KCNN3: variants seen among roughly 807,000 people sequenced by gnomAD.
The protein encoded by KCNN3 is potassium calcium-activated channel subfamily N member 3, also known as small conductance calcium-activated potassium channel protein 3.
KCNN3 carries 16 observed loss-of-function variants against 62.9 expected under a neutral mutation model. The ratio of observed to expected loss-of-function variants is 0.25; its 90% CI spans 0.17 to 0.39. The LOEUF is 0.39. KCNN3 is among the 10% of genes least tolerant of loss of function. The pLI, the probability that KCNN3 is intolerant of heterozygous loss-of-function variation, is 1.00. For synonymous variants in KCNN3, 370 were observed against 389.2 expected (o/e 0.95, Z 0.58); for missense variants, 599 against 949.4 (o/e 0.63, Z 4.85).
At chr1:154,801,699 G>A (rs773853215) in intron 2 of KCNN3, among the ~76,000 whole-genome samples, 2 of 152,236 alleles carry the variant, frequency 1.3e-5, no homozygotes, top group Non-Finnish European at 2.9e-5. Flanking sequence ...TCCAGGGGGA[G>A]GAAGAGGCAA....
intron 1 of KCNN3, among the ~76,000 whole-genome samples, chr1:154,853,066 T>C (rs1652368101): frequency 6.6e-6 from 1 of 152,178 alleles, no homozygotes; most frequent in Non-Finnish European, 1.5e-5. Context: ...CACAGCTCAC[T>C]GCATCCTCGA....
Position 154,869,304 on chromosome 1 carries a change from T to A in KCNN3, c.661A>T (p.Ile221Phe), listed in dbSNP as rs765155011. The change falls in exon 1 of 8, where the codon ATC (isoleucine) becomes TTC (phenylalanine). Residue 221 changes from isoleucine (I) to phenylalanine (F), a missense_variant. Transcript: ENST00000271915. This position sits in a 1 kb window ranked among gnomAD's most constrained non-coding sequence, Gnocchi z 6.1. ...GCATGGTTGTCCTCCCGGGAGGAGATGACGATCTCCGGGGGGTTGCTAGGG... is the reference window on the plus strand; with the variant it reads ...GCATGGTTGTCCTCCCGGGAGGAGAAGACGATCTCCGGGGGGTTGCTAGGG... ...FSPSNPPEIV[I>F]SSREDNHAHQ... 1 of 1,613,566 alleles carries A rather than the reference T, an allele frequency of 6.2e-7. No homozygotes were observed. Among genetic ancestry groups the A allele is most frequent in the Non-Finnish European group, 8.5e-7 (1 of 1,179,630 alleles).
chr1:154,752,977 C>T (rs747548014), intron 3 of KCNN3, among the ~76,000 whole-genome samples: 4 of 152,118 alleles, frequency 2.6e-5, no homozygotes, highest in African/African-American at 7.2e-5. Flanking sequence ...AGGGACAGGC[C>T]GGGCACCTCA....
intron 3 of KCNN3, among the ~76,000 whole-genome samples, chr1:154,755,327 G>A (rs1647589924): frequency 1.3e-5 from 2 of 151,736 alleles, no homozygotes; most frequent in African/African-American, 4.8e-5. Context: ...TATTTAGCCA[G>A]GCATGGTGGC....
rs564751847 is a variant in KCNN3 at position 154,806,048 on chromosome 1, C to T, written c.1029+16041G>A. On this transcript the variant is annotated intron_variant, in intron 2 of 7. Coordinates refer to ENST00000271915, the MANE Select transcript of KCNN3 (RefSeq NM_002249.6). ...AGGCTTCCTAGAGCCCCGTGATGTC[C>T]GTGAACACTGCACGAACTAGTGTTT... Among the ~76,000 whole-genome samples, 9 of 152,274 alleles carry T rather than the reference C, an allele frequency of 5.9e-5. No homozygotes were observed. In the South Asian group the frequency reaches 1.7e-3, roughly 28 times the overall value.
intron 2 of KCNN3, among the ~76,000 whole-genome samples, chr1:154,813,406 G>A (rs1270633132): frequency 6.6e-6 from 1 of 152,104 alleles, no homozygotes. Context: ...CAGCCTCCCG[G>A]GCCGCCTCCT....
Position 154,772,030 on chromosome 1 carries a change from C to G in KCNN3, c.1393G>C (p.Val465Leu). 1 of 1,614,124 alleles carries G rather than the reference C, an allele frequency of 6.2e-7. No homozygotes were observed. Among genetic ancestry groups the G allele is most frequent in the Non-Finnish European group, 8.5e-7 (1 of 1,180,020 alleles). ...MTICPGTVLL[V>L]FSISLWIIAA... The stretch of plus-strand genomic sequence containing the variant: ...ATGATCCACAGAGAGATGCTGAACA[C>G]GAGCAGCACAGTGCCAGGGCAGATG... The change falls in exon 3 of 8, where the codon GTG (valine) becomes CTG (leucine). Residue 465 changes from valine (V) to leucine (L), a missense_variant. Physicochemically the swap from Val to Leu is conservative, Grantham distance 32 (BLOSUM62 1). Transcript: ENST00000271915. The surrounding 1 kb of genome is among the most constrained non-coding windows in gnomAD (Gnocchi z 5.6).
intron 3 of KCNN3, among the ~76,000 whole-genome samples, chr1:154,753,186 G>T (rs1647467122): frequency 6.6e-6 from 1 of 152,106 alleles, no homozygotes; most frequent in Admixed American, 6.5e-5. Context: ...ACTTAACTCA[G>T]TAAGTTTGAC....
At chr1:154,852,921 C>T (rs1027071507) in intron 1 of KCNN3, among the ~76,000 whole-genome samples, 3 of 152,162 alleles carry the variant, frequency 2.0e-5, no homozygotes, top group Non-Finnish European at 4.4e-5. Flanking sequence ...GATCCCTCAC[C>T]ACTTCAGATC....
intron 2 of KCNN3, among the ~76,000 whole-genome samples, chr1:154,802,882 C>T (rs1650018325): frequency 6.6e-6 from 1 of 152,176 alleles, no homozygotes; most frequent in South Asian, 2.1e-4. Flanking sequence ...AGGCTCCTTT[C>T]CTGGCCATAT....
At chr1:154,714,324 G>GTGTGGGGTGTGTC (rs1461338194) in intron 6 of KCNN3, among the ~76,000 whole-genome samples, 3 of 135,488 alleles carry the variant, frequency 2.2e-5, no homozygotes. Flanking sequence ...TGTGAGGTGT[G>GTGTGGGGTGTGTC]TGTGTGTGGT....
At position 154,726,036 on chromosome 1, in the gene KCNN3, G is replaced by A. The variant is rs575789654; in HGVS notation, c.1591-10C>T. 1.9e-5 allele frequency: 31 copies of A among 1,600,876 alleles called. No individual in the cohort carries two copies. In the East Asian group the frequency reaches 6.9e-4, roughly 36 times the overall value. ...CAGTGCAGCCTGCACCCTGCGGGGG[G>A]ACATCAAGAGGACCAGAGGGGAAAG... On this transcript the variant is annotated splice_polypyrimidine_tract_variant and intron_variant, in intron 4 of 7. Coordinates refer to ENST00000271915, the MANE Select transcript of KCNN3 (RefSeq NM_002249.6).
chr1:154,776,400 C>T (rs1452839170), intron 2 of KCNN3, among the ~76,000 whole-genome samples: 1 of 151,296 alleles, frequency 6.6e-6, no homozygotes, highest in Non-Finnish European at 1.5e-5. Flanking sequence ...TGGGGGCACT[C>T]GTAAACAGTG....
chr1:154,710,951 T>C (rs1460244871), intron 7 of KCNN3, among the ~76,000 whole-genome samples: 1 of 152,204 alleles, frequency 6.6e-6, no homozygotes, highest in Non-Finnish European at 1.5e-5. Flanking sequence ...CTCAGGGATC[T>C]AGAACTAGAA....
In KCNN3 at chr1:154,826,073, ACAAAAAC is replaced by A. The variant is rs749262400; in HGVS notation, c.934-3896_934-3890del. ...AAAAAAAACAAAAACAAAAACAAAA[ACAAAAAC>A]AAAAACAAAAAAAACCAAAAAACAC... On this transcript the variant is annotated intron_variant, in intron 1 of 7. Coordinates refer to ENST00000271915, the MANE Select transcript of KCNN3 (RefSeq NM_002249.6). 2.9e-3 allele frequency among the ~76,000 whole-genome samples: 386 copies of A among 132,498 alleles called. 17 individuals are homozygous for A. The highest frequency in any genetic ancestry group is 0.011 in the African/African-American group (368 of 33,562). The allele number at this position is 132,498 out of a possible 152,430, so 86.9% of individuals were successfully genotyped here.
intron 3 of KCNN3, among the ~76,000 whole-genome samples, chr1:154,756,153 G>A: frequency 1.1e-5 from 1 of 90,710 alleles, no homozygotes; most frequent in South Asian, 3.7e-4. Flanking sequence ...GGAAGAAGAA[G>A]GAGGAGAAGA....
chr1:154,726,167 C>G, intron 4 of KCNN3, 141 bp from the exon 5 acceptor site: 1 of 639,106 alleles, frequency 1.6e-6, no homozygotes, highest in Non-Finnish European at 2.8e-6. Flanking sequence ...TGGTCACGAC[C>G]AAGCCACAAA....
intron 3 of KCNN3, among the ~76,000 whole-genome samples, chr1:154,757,941 TTA>T (rs1298787416): frequency 1.3e-5 from 2 of 152,170 alleles, no homozygotes; most frequent in Non-Finnish European, 1.5e-5. Context: ...TTTTTGTGAA[TTA>T]TCCCCTTTCC....
At chr1:154,769,027 A>G (rs1337539833) in intron 3 of KCNN3, among the ~76,000 whole-genome samples, 3 of 152,088 alleles carry the variant, frequency 2.0e-5, no homozygotes, top group African/African-American at 7.2e-5. Context: ...TTTTGGCTCC[A>G]CGCTTATTAT....
Sources: allele counts gnomAD v4.1 joint callset (sites outside exome capture counted in the v4.1 genomes callset), GRCh38; gene constraint gnomAD v4.1.1; non-coding constraint Gnocchi (gnomAD v3.1); transcripts MANE v1.5; gene names NCBI Gene and HGNC (gene_info 2026-07-23, HGNC 2026-07-21).